KALRN: variants seen among roughly 807,000 people sequenced by gnomAD.
The protein encoded by KALRN is kalirin RhoGEF kinase.
Under a neutral mutation model 353.7 loss-of-function variants are expected in KALRN, and 70 were observed. The ratio of observed to expected loss-of-function variants is 0.20; its 90% CI spans 0.16 to 0.24. KALRN has a LOEUF of 0.24. Among genes scored for constraint, KALRN ranks in the 10% least tolerant of loss-of-function variants. The probability of loss-of-function intolerance (pLI) is 1.00; values close to 1 mark genes in which losing one functional copy is unlikely to be tolerated. For synonymous variants in KALRN, 1,391 were observed against 1,434.8 expected, an observed-to-expected ratio of 0.97 and a Z score of 0.69; for missense variants, 2,791 against 3,756.7, an observed-to-expected ratio of 0.74 and a Z score of 6.72.
intron 37 of KALRN, among the ~76,000 whole-genome samples, chr3:124,640,612 C>T (rs1184906962): frequency 6.6e-6 from 1 of 152,136 alleles, no homozygotes; most frequent in African/African-American, 2.4e-5. Flanking sequence ...ATTCTAAATG[C>T]AACCTTCTAC....
chr3:124,434,474 C>T lies in KALRN; in HGVS notation c.2997C>T (p.Asp999=). 6.2e-7 allele frequency: 1 copy of T among 1,614,244 alleles called. No homozygotes were observed. Residue 999 remains aspartate (D), a synonymous_variant, in exon 17 of 60, where the codon GAC becomes GAT. Transcript: ENST00000682506. ...AGCAGCTCATGCTGAAGATGGAAGA[C>T]CGGCTAAAATTGGTCAATGCCTCTG... ...HWQQLMLKME[D]RLKLVNASVA...
In KALRN at chr3:124,354,835, C is replaced by T. The variant is rs374173481; in HGVS notation, c.1770+7570C>T. Among the ~76,000 whole-genome samples the T allele has an allele frequency of 1.9e-4, 29 of 152,234 alleles. No individual in the cohort carries two copies. The East Asian group carries it at 3.1e-3, about 16-fold the overall frequency. On this transcript the variant is annotated intron_variant, in intron 10 of 59. Transcript: ENST00000682506. ...TCTAATGGGAAGAGTGACAGTGTAT[C>T]AGGATGCTTCACATCTATATGAAAT...
At chr3:124,508,846 G>A (rs537467711) in intron 33 of KALRN, among the ~76,000 whole-genome samples, 1 of 152,120 alleles carries the variant, frequency 6.6e-6, no homozygotes, top group Non-Finnish European at 1.5e-5. Context: ...AATTTTTACA[G>A]ATCTGGTGGA....
chr3:124,402,687 A>G (rs903778415), intron 13 of KALRN, among the ~76,000 whole-genome samples: 1 of 152,228 alleles, frequency 6.6e-6, no homozygotes, highest in Non-Finnish European at 1.5e-5. Context: ...ATAAATATTT[A>G]TTCATTTTTA....
chr3:124,129,268 G>A (rs2065019913), intron 1 of KALRN, among the ~76,000 whole-genome samples: 1 of 152,070 alleles, frequency 6.6e-6, no homozygotes, highest in Non-Finnish European at 1.5e-5. Flanking sequence ...AGATCCCAAG[G>A]GTCCCATGTT....
intron 1 of KALRN, among the ~76,000 whole-genome samples, chr3:124,104,734 A>G (rs1436083819): frequency 6.6e-6 from 1 of 152,214 alleles, no homozygotes; most frequent in Non-Finnish European, 1.5e-5. Context: ...GGTAAGTGCA[A>G]TTACCTAGGC....
intron 1 of KALRN, among the ~76,000 whole-genome samples, chr3:124,076,707 C>T (rs1300094456): frequency 6.6e-6 from 1 of 152,124 alleles, no homozygotes; most frequent in African/African-American, 2.4e-5. Flanking sequence ...TCATAATGAC[C>T]CATGTATAGA....
In KALRN at chr3:124,094,908, T is replaced by A. The variant is rs753542950; in HGVS notation, c.73+61095T>A. 8 of 1,613,508 alleles carry A rather than the reference T, an allele frequency of 5.0e-6. No individual in the cohort carries two copies. The Middle Eastern group carries it at 9.9e-4, about 200-fold the overall frequency. On this transcript the variant is annotated intron_variant, in intron 1 of 59. Coordinates refer to ENST00000682506, the MANE Select transcript of KALRN (RefSeq NM_001388419.1). ...TTGCTCCGGCTGCTGGATCGAGGTATCCTGAGTGTGTGTATGCTTGTATGA... is the reference window on the plus strand; with the variant it reads ...TTGCTCCGGCTGCTGGATCGAGGTAACCTGAGTGTGTGTATGCTTGTATGA...
chr3:124,142,898 A>G (rs1384379306), intron 1 of KALRN, among the ~76,000 whole-genome samples: 3 of 152,036 alleles, frequency 2.0e-5, no homozygotes, highest in Non-Finnish European at 4.4e-5. Flanking sequence ...AATTTAAGGT[A>G]GTGTGTCAGG....
intron 2 of KALRN, among the ~76,000 whole-genome samples, chr3:124,232,495 G>C (rs573820691): frequency 6.6e-6 from 1 of 152,268 alleles, no homozygotes; most frequent in Non-Finnish European, 1.5e-5. Flanking sequence ...GCCTGCCTCA[G>C]AGAGGGGGGC....
At chr3:124,717,483 G>A (rs903653345) in intron 59 of KALRN, 98 bp downstream of exon 59, 42 of 729,496 alleles carry the variant, frequency 5.8e-5, no homozygotes, top group Non-Finnish European at 8.0e-5. Context: ...TCAGGAGATC[G>A]AGACCATCCT....
intron 6 of KALRN, among the ~76,000 whole-genome samples, chr3:124,318,909 G>C (rs1012607388): frequency 1.3e-5 from 2 of 152,140 alleles, no homozygotes; most frequent in African/African-American, 2.4e-5. Context: ...GCAATGGCTG[G>C]GTTCCTTTTT....
intron 37 of KALRN, among the ~76,000 whole-genome samples, chr3:124,646,567 T>G (rs11705946): frequency 0.25 from 38,149 of 151,360 alleles, 4,985 homozygotes; most frequent in East Asian, 0.44. Context: ...GTTTTTGTAT[T>G]TTTAGTAGAG....
chr3:124,399,645 G>A (rs1335664775), intron 13 of KALRN, among the ~76,000 whole-genome samples: 4 of 152,180 alleles, frequency 2.6e-5, no homozygotes, highest in South Asian at 2.1e-4. Flanking sequence ...GAAGCCAAGC[G>A]CCACAGGAAG....
intron 5 of KALRN, among the ~76,000 whole-genome samples, chr3:124,274,465 C>T (rs1410797348): frequency 6.6e-6 from 1 of 152,232 alleles, no homozygotes; most frequent in Non-Finnish European, 1.5e-5. Flanking sequence ...AAAGGAAGCT[C>T]TACTGATGTC....
intron 56 of KALRN, among the ~76,000 whole-genome samples, chr3:124,700,357 G>A (rs572091258): frequency 1.8e-4 from 27 of 152,036 alleles, no homozygotes; most frequent in Middle Eastern, 3.4e-3. Flanking sequence ...CCTCCCACCC[G>A]GGCACCCCTG....
At chr3:124,413,373 G>A (rs1360315091) in intron 13 of KALRN, 97 bp from the exon 14 acceptor site, 1 of 957,194 alleles carries the variant, frequency 1.0e-6, no homozygotes, top group Non-Finnish European at 1.6e-6. Context: ...TTAACTGAGG[G>A]GTGGATTCAT....
intron 14 of KALRN, among the ~76,000 whole-genome samples, chr3:124,418,735 C>G (rs2092634200): frequency 6.6e-6 from 1 of 152,068 alleles, no homozygotes; most frequent in East Asian, 1.9e-4. Flanking sequence ...GGCTTTTAGC[C>G]CTAAAGAAAC....
rs79234982 is a variant in KALRN, at chr3:124,474,847, G to A, written c.4101+115G>A. Reference sequence around the variant, plus strand: ...CACACAAGACCAGGGGCTACTGAGAGGGACCATGAGTAGGTCTGAGAGAAG... The same window carrying A: ...CACACAAGACCAGGGGCTACTGAGAAGGACCATGAGTAGGTCTGAGAGAAG... On this transcript the variant is annotated intron_variant, in intron 26 of 59. Coordinates refer to ENST00000682506, the MANE Select transcript of KALRN (RefSeq NM_001388419.1). 1.8e-3 allele frequency: 1,516 copies of A among 820,580 alleles called. 16 individuals carry two copies. In the African/African-American group the frequency reaches 0.022, roughly 12 times the overall value. 50.8% of individuals were successfully genotyped at this position (820,580 alleles called of 1,614,324 possible).
Sources: gnomAD v4.1 joint callset for allele counts (sites outside exome capture counted in the v4.1 genomes callset) on GRCh38, gnomAD v4.1.1 for gene constraint, MANE v1.5 for transcripts, NCBI Gene and HGNC (gene_info 2026-07-23, HGNC 2026-07-21) for gene names.